The following C12orf75 variants were observed in gnomAD, a reference collection of about 807,000 sequenced individuals.
C12orf75 encodes chromosome 12 open reading frame 75, also known as overexpressed in colon carcinoma 1 protein.
In C12orf75, 4 loss-of-function variants were observed where a neutral mutation model predicts 11.4. The observed-to-expected ratio is 0.35, with a 90% confidence interval of 0.17 to 0.80. The LOEUF (loss-of-function observed/expected upper bound fraction) is 0.80, where lower values mean the gene tolerates loss of function less well. Ranked by LOEUF, C12orf75 falls within the 30% of genes least tolerant of loss-of-function variation. The probability of loss-of-function intolerance (pLI) is 0.52; values close to 1 mark genes in which losing one functional copy is unlikely to be tolerated. For missense variants in C12orf75, 89 were observed against 80.4 expected (o/e 1.11, Z -0.41); for synonymous variants, 30 against 30.0 (o/e 1.00, Z 0.00).
At chr12:105,338,452 G>T (rs188577960) in intron 1 of C12orf75, among the ~76,000 whole-genome samples, 76 of 152,306 alleles carry the variant, frequency 5.0e-4, no homozygotes, top group Non-Finnish European at 9.3e-4. Flanking sequence ...GGGATTACAG[G>T]TGTGAGCCAC....
intron 1 of C12orf75, among the ~76,000 whole-genome samples, chr12:105,334,300 C>G (rs1330124301): frequency 2.6e-5 from 4 of 152,190 alleles, no homozygotes; most frequent in African/African-American, 9.7e-5. Context: ...CTTTGTTGCT[C>G]TTGAGAAATT....
chr12:105,348,299 G>A (rs920243446), intron 1 of C12orf75, among the ~76,000 whole-genome samples: 13 of 151,872 alleles, frequency 8.6e-5, no homozygotes, highest in East Asian at 5.8e-4. Flanking sequence ...CCTGTATTCC[G>A]AGCTACTCAG....
intron 2 of C12orf75, among the ~76,000 whole-genome samples, chr12:105,363,684 C>T (rs142535425): frequency 1.3e-5 from 2 of 151,536 alleles, no homozygotes; most frequent in East Asian, 1.9e-4. Flanking sequence ...GAGATTGTGC[C>T]ACTGCACTCC....
At chr12:105,342,173 C>G (rs1892583141) in intron 1 of C12orf75, among the ~76,000 whole-genome samples, 1 of 152,170 alleles carries the variant, frequency 6.6e-6, no homozygotes, top group Non-Finnish European at 1.5e-5. Flanking sequence ...ATTTAATACC[C>G]AATGCAGTAG....
At chr12:105,359,321 A>G (rs1021059460) in intron 2 of C12orf75, among the ~76,000 whole-genome samples, 2 of 152,024 alleles carry the variant, frequency 1.3e-5, no homozygotes, top group African/African-American at 4.8e-5. Flanking sequence ...CCTTATCTTC[A>G]AGGTTTCTTC....
At chr12:105,361,068 G>A (rs576843124) in intron 2 of C12orf75, among the ~76,000 whole-genome samples, 1 of 152,028 alleles carries the variant, frequency 6.6e-6, no homozygotes, top group Admixed American at 6.5e-5. Flanking sequence ...GAGCCACCGC[G>A]CCTGCCCTGT....
chr12:105,362,587 A>G (rs1478361022), intron 2 of C12orf75, among the ~76,000 whole-genome samples: 1 of 149,546 alleles, frequency 6.7e-6, no homozygotes, highest in Non-Finnish European at 1.5e-5. Context: ...GAATGGCGTG[A>G]ACCTGGGAGG....
intron 1 of C12orf75, among the ~76,000 whole-genome samples, chr12:105,342,703 G>T (rs1185977588): frequency 6.6e-6 from 1 of 152,148 alleles, no homozygotes; most frequent in East Asian, 1.9e-4. Context: ...AGCCATATAG[G>T]GGCTTGGCCA....
intron 1 of C12orf75, among the ~76,000 whole-genome samples, chr12:105,331,561 A>G (rs1892424191): frequency 6.6e-6 from 1 of 151,082 alleles, no homozygotes; most frequent in South Asian, 2.1e-4. Context: ...GAGCTTTATT[A>G]TTAACAGTCT....
intron 1 of C12orf75, among the ~76,000 whole-genome samples, chr12:105,343,588 G>A (rs1385839142): frequency 3.9e-5 from 6 of 152,194 alleles, no homozygotes; most frequent in African/African-American, 1.4e-4. Context: ...TTAAAAGGTT[G>A]CAGTGAGGGT....
At chr12:105,364,839 T>A (rs930437484) in intron 2 of C12orf75, among the ~76,000 whole-genome samples, 5 of 143,152 alleles carry the variant, frequency 3.5e-5, no homozygotes, top group African/African-American at 1.3e-4. Flanking sequence ...ATGGACTCCT[T>A]TTTTTTTTTT....
intron 1 of C12orf75, among the ~76,000 whole-genome samples, chr12:105,334,491 A>G (rs1892475964): frequency 6.6e-6 from 1 of 152,238 alleles, no homozygotes; most frequent in South Asian, 2.1e-4. Flanking sequence ...TTGAGTACAC[A>G]AAAGCTCTCC....
At chr12:105,365,741 TA>T (rs1239618440) in intron 2 of C12orf75, 65 bp from the exon 3 acceptor site, 1 of 1,148,032 alleles carries the variant, frequency 8.7e-7, no homozygotes, top group Non-Finnish European at 1.3e-6. Context: ...CTTTTTCTCA[TA>T]ACCAAAAATG....
At position 105,371,451 on chromosome 12, in the gene C12orf75, G is replaced by A. The variant is rs992641431; in HGVS notation, c.*851G>A. On this transcript the variant is annotated 3_prime_UTR_variant, in exon 6 of 6. Coordinates refer to ENST00000443585, the MANE Select transcript of C12orf75 (RefSeq NM_001145199.2). ...TGATAATGACTTGTGTATCTACTTA[G>A]TATTGCAATGTAAGTTACTCAATTC... The A allele has an allele frequency of 7.2e-5, 11 of 152,106 alleles. No individual in the cohort carries two copies. The highest frequency in any genetic ancestry group is 1.6e-4 in the Non-Finnish European group (11 of 68,008). 9.4% of individuals were successfully genotyped at this position (152,106 alleles called of 1,614,324 possible).
chr12:105,333,020 T>C (rs1184193665), intron 1 of C12orf75, among the ~76,000 whole-genome samples: 1 of 152,024 alleles, frequency 6.6e-6, no homozygotes, highest in Non-Finnish European at 1.5e-5. Context: ...TGCTATTCTC[T>C]CCTCCAGCTT....
intron 2 of C12orf75, among the ~76,000 whole-genome samples, chr12:105,352,350 T>C (rs10861404): frequency 0.29 from 44,785 of 152,042 alleles, 6,640 homozygotes; most frequent in Non-Finnish European, 0.31. Flanking sequence ...TTGGTTTTTA[T>C]GCTGTTTGGC....
intron 1 of C12orf75, among the ~76,000 whole-genome samples, chr12:105,348,210 T>C (rs11112485): frequency 0.18 from 26,817 of 151,850 alleles, 2,731 homozygotes; most frequent in Non-Finnish European, 0.23. Flanking sequence ...AGCCCAGGAG[T>C]TGGAGAGCAG....
intron 3 of C12orf75, chr12:105,366,328 A>T (rs1188482253): frequency 3.3e-6 from 1 of 306,838 alleles, no homozygotes; most frequent in Non-Finnish European, 5.9e-6. Context: ...ATGATATTTA[A>T]TACTCTAATA....
At chr12:105,367,396 GT>G in intron 4 of C12orf75, 75 bp from the exon 5 acceptor site, 1 of 538,970 alleles carries the variant, frequency 1.9e-6, no homozygotes, top group Non-Finnish European at 3.3e-6. Flanking sequence ...TGTCATTACT[GT>G]TTAATGTTCT....
Sources: gnomAD v4.1 joint callset for allele counts (sites outside exome capture counted in the v4.1 genomes callset) on GRCh38, gnomAD v4.1.1 for gene constraint, MANE v1.5 for transcripts, NCBI Gene and HGNC (gene_info 2026-07-23, HGNC 2026-07-21) for gene names.